The following PIEZO1 variants were observed in gnomAD, a reference collection of about 807,000 sequenced individuals.
PIEZO1 encodes piezo-type mechanosensitive ion channel component 1.
A neutral mutation model predicts 297.2 loss-of-function variants in PIEZO1; 296 were observed. That is an observed-to-expected ratio of 1.00 (90% CI 0.91 to 1.10). The LOEUF is 1.10. Among genes scored for constraint, PIEZO1 ranks in the 50% least tolerant of loss-of-function variants. The pLI, the probability that PIEZO1 is intolerant of heterozygous loss-of-function variation, is 0.00. For missense variants in PIEZO1, 5,018 were observed against 3,455.5 expected, an observed-to-expected ratio of 1.45 and a Z score of -11.34; for synonymous variants, 2,427 against 1,507.5, an observed-to-expected ratio of 1.61 and a Z score of -14.13.
rs999355129 is a variant in PIEZO1, at chr16:88,736,519, G to A, written c.1297-111C>T. 1.6e-4 allele frequency: 97 copies of A among 599,104 alleles called. 1 individual carries two copies. The highest frequency in any genetic ancestry group is 3.8e-4 in the South Asian group (19 of 50,120). The allele number at this position is 599,104 out of a possible 1,614,324, so 37.1% of individuals were successfully genotyped here. ...GCTGCCCAGCGCACCCCACCCAGGC[G>A]ATGCCCCACACCTGCGCGGCAGAGG... On this transcript the variant is annotated intron_variant, in intron 11 of 50. Transcript: ENST00000301015.
intron 1 of PIEZO1, among the ~76,000 whole-genome samples, chr16:88,769,237 G>A (rs1289472559): frequency 4.6e-5 from 7 of 152,138 alleles, no homozygotes. Context: ...TGTAAATAAT[G>A]ACGGGGGTCT....
At chr16:88,733,486 G>C in intron 18 of PIEZO1, 32 bp from the exon 19 acceptor site, 4 of 1,537,816 alleles carry the variant, frequency 2.6e-6, no homozygotes, top group Non-Finnish European at 3.5e-6. Flanking sequence ...GGCTGGGCTT[G>C]GGGAGGGCAG....
At chr16:88,725,553 TGGG>T (rs879686708) in intron 28 of PIEZO1, 34 bp from the exon 29 acceptor site, 4 of 1,535,466 alleles carry the variant, frequency 2.6e-6, no homozygotes, top group Non-Finnish European at 3.5e-6. Flanking sequence ...TGCTGAGCAT[TGGG>T]GGGAGGAGCC....
rs1320129478 is a variant in PIEZO1 at position 88,726,179 on chromosome 16, G to C, written c.3968+105C>G. 1.7e-5 allele frequency: 16 copies of C among 943,920 alleles called. No homozygotes were observed. In the Admixed American group the frequency reaches 4.2e-4, roughly 25 times the overall value. 58.5% of individuals were successfully genotyped at this position (943,920 alleles called of 1,614,324 possible). On this transcript the variant is annotated intron_variant, in intron 27 of 50. Transcript: ENST00000301015. ...GACACGCCCATGTCACAGAGTGGCA[G>C]AGCCTGCCCTCCACGGGCCGGGGCC...
In PIEZO1 at chr16:88,719,601, G is replaced by T. The variant is rs1241117427; in HGVS notation, c.6444C>A (p.Ile2148=). Reference sequence around the variant, plus strand: ...TCTCTGTCTCTCGGCTGCATTTGATGATGAAGATGTTGGCATAGATGTCCT... The same window carrying T: ...TCTCTGTCTCTCGGCTGCATTTGATTATGAAGATGTTGGCATAGATGTCCT... ...CVEDIYANIF[I]IKCSRETEKK... Residue 2148 remains isoleucine, a synonymous_variant, in exon 44 of 51, where the codon ATC becomes ATA. Transcript: ENST00000301015. The T allele has an allele frequency of 1.3e-6, 2 of 1,551,494 alleles. No individual in the cohort carries two copies. Among genetic ancestry groups the T allele is most frequent in the African/African-American group, 2.7e-5 (2 of 73,210 alleles).
rs1455194743 is a variant in PIEZO1, at chr16:88,720,248, TAGGG to T, written c.5981_5984del (p.Ser1994TyrfsTer15). 1.1e-5 allele frequency: 17 copies of T among 1,550,286 alleles called. No individual in the cohort carries two copies. Among genetic ancestry groups the T allele is most frequent in the Non-Finnish European group, 1.0e-5 (12 of 1,146,952 alleles). On this transcript the variant is annotated frameshift_variant, in exon 42 of 51. Transcript: ENST00000301015. LOFTEE classifies it high-confidence loss of function. ...AAGCCTCGGGTACCTGGTCGTCTGA[TAGGG>T]AGGACGTGATGTCTGTGGCCGCCGA...
In PIEZO1 at chr16:88,725,596, G is replaced by T; in HGVS notation, c.4057C>A (p.Gln1353Lys). 1.3e-6 allele frequency: 2 copies of T among 1,546,350 alleles called. No homozygotes were observed. The highest frequency in any genetic ancestry group is 1.4e-5 in the African/African-American group (1 of 73,068). The change falls in exon 28 of 51, where the codon CAG becomes AAG. Residue 1353 changes from glutamine (Q) to lysine (K), a missense_variant and splice_region_variant. Transcript: ENST00000301015. ...AGTCCCCGCCCCAGAGGCACCTACT[G>T]TCTTTTCAGCTGGGCCAGGGACTTC... ...EEKSLAQLKR[Q>K]MERIRAKQEK...
rs1478960214 is a variant in PIEZO1 at position 88,720,680 on chromosome 16, G to C, written c.5737C>G (p.Pro1913Ala). Residue 1913 changes from proline to alanine, a missense_variant, in exon 40 of 51, where the codon CCA (proline) becomes GCA (alanine). Pro to Ala is a conservative substitution (Grantham distance 27). Transcript: ENST00000301015. ...CTTACTCTTCCTCCAGAGCGGCTTG[G>C]CCTCTTCTCTCTCCCCGTGGGGGCC... ...KEAPTGREKR[P>A]SRSGGRVRAA... 5.2e-6 allele frequency: 8 copies of C among 1,545,126 alleles called. No individual in the cohort carries two copies. The highest frequency in any genetic ancestry group is 1.4e-5 in the African/African-American group (1 of 72,790).
intron 44 of PIEZO1, chr16:88,718,834 A>T (rs113385327): frequency 6.5e-6 from 1 of 153,658 alleles, no homozygotes; most frequent in Non-Finnish European, 1.5e-5. Context: ...CAGCCTCCAG[A>T]GTAGCTGGGA....
At chr16:88,731,960 G>GTCTGGGGGGGGGGGGGGGGGGGGGGT (rs1555555068) in intron 21 of PIEZO1, 50 bp from the exon 22 acceptor site, 1 of 295,412 alleles carries the variant, frequency 3.4e-6, no homozygotes, top group Non-Finnish European at 6.6e-6. Flanking sequence ...TCTGGGGGGA[G>GTCTGGGGGGGGGGGGGGGGGGGGGGT]GGACTTTCTT....
intron 1 of PIEZO1, among the ~76,000 whole-genome samples, chr16:88,762,353 C>T (rs114210005): frequency 6.6e-6 from 1 of 152,226 alleles, no homozygotes; most frequent in African/African-American, 2.4e-5. Context: ...TGGCCTCCCC[C>T]ACCTGAGGTC....
In PIEZO1 at chr16:88,732,328, G is replaced by T; in HGVS notation, c.2991+7C>A. 1 of 1,547,604 alleles carries T rather than the reference G, an allele frequency of 6.5e-7. No individual in the cohort carries two copies. Among genetic ancestry groups the T allele is most frequent in the Non-Finnish European group, 8.7e-7 (1 of 1,144,856 alleles). ...TGCCCCAGGGGGAGGCAATGTCCTT[G>T]CCTCACCTCCAGCCCGAATTTGTAG... On this transcript the variant is annotated splice_region_variant and intron_variant, in intron 21 of 50. Transcript: ENST00000301015.
At chr16:88,742,460 C>T (rs745577351) in intron 2 of PIEZO1, 38 bp from the exon 3 acceptor site, 33 of 1,528,262 alleles carry the variant, frequency 2.2e-5, no homozygotes, top group South Asian at 7.2e-5. Context: ...GTCCCGGGGA[C>T]GGGGAGGGGC....
intron 22 of PIEZO1, 84 bp downstream of exon 22, chr16:88,731,622 G>A (rs1029750716): frequency 5.9e-5 from 61 of 1,040,426 alleles, no homozygotes; most frequent in Non-Finnish European, 8.3e-5. Context: ...AGGGTGGACA[G>A]GAGTCTGGGG....
At position 88,785,024 on chromosome 16, in the gene PIEZO1, G is replaced by A; in HGVS notation, c.-60C>T. The A allele has an allele frequency of 3.7e-6, 4 of 1,087,984 alleles. No homozygotes were observed. Among genetic ancestry groups the A allele is most frequent in the Non-Finnish European group, 4.6e-6 (4 of 869,740 alleles). The allele number at this position is 1,087,984 out of a possible 1,614,324, so 67.4% of individuals were successfully genotyped here. ...GGACGCCGCGGCGCTATGGGGCGGTGCGGGGGCCCCGGGGCCGGCGCGCCA... is the reference window on the plus strand; with the variant it reads ...GGACGCCGCGGCGCTATGGGGCGGTACGGGGGCCCCGGGGCCGGCGCGCCA... On this transcript the variant is annotated 5_prime_UTR_variant, in exon 1 of 51. Coordinates refer to ENST00000301015, the MANE Select transcript of PIEZO1 (RefSeq NM_001142864.4).
chr16:88,723,189 C>A, intron 32 of PIEZO1, 37 bp downstream of exon 32: 2 of 1,549,228 alleles, frequency 1.3e-6, no homozygotes, highest in Non-Finnish European at 1.7e-6. Flanking sequence ...GGCAGTCCCG[C>A]GGCTTCCCCT....
At chr16:88,738,138 C>G (rs1209865104) in intron 7 of PIEZO1, 33 bp from the exon 8 acceptor site, 7 of 1,535,424 alleles carry the variant, frequency 4.6e-6, no homozygotes, top group African/African-American at 1.4e-5. Context: ...AGCCTACCAC[C>G]CCAGAGGCAG....
chr16:88,722,407 G>A lies in PIEZO1; in HGVS notation c.4776-10C>T, dbSNP rs577611530. Reference sequence around the variant, plus strand: ...CTCCGCGCCCAGCCCACTGGGGAGGGAAGCCGAGTCACAGAGAATCCTGCT... The same window carrying A: ...CTCCGCGCCCAGCCCACTGGGGAGGAAAGCCGAGTCACAGAGAATCCTGCT... On this transcript the variant is annotated splice_polypyrimidine_tract_variant and intron_variant, in intron 35 of 50. Coordinates refer to ENST00000301015, the MANE Select transcript of PIEZO1 (RefSeq NM_001142864.4). The A allele has an allele frequency of 7.4e-6, 11 of 1,486,912 alleles. No individual in the cohort carries two copies. Among genetic ancestry groups the A allele is most frequent in the Non-Finnish European group, 9.9e-6 (11 of 1,114,370 alleles). The allele number at this position is 1,486,912 out of a possible 1,614,324, so 92.1% of individuals were successfully genotyped here.
chr16:88,732,340 G>T lies in PIEZO1; in HGVS notation c.2986C>A (p.Leu996Met), dbSNP rs1302760941. The T allele has an allele frequency of 1.9e-6, 3 of 1,549,208 alleles. No individual in the cohort carries two copies. The highest frequency in any genetic ancestry group is 2.4e-5 in the East Asian group (1 of 40,886). Residue 996 changes from leucine to methionine, a missense_variant, in exon 21 of 51, where the codon CTG (leucine) becomes ATG (methionine). Transcript: ENST00000301015. ...AGGCAATGTCCTTGCCTCACCTCCA[G>T]CCCGAATTTGTAGAAGAAGAAGTTG... ...FINFFFYKFG[L>M]EICFLMAVNV... is the part of the protein sequence containing the mutation.
Sources: gnomAD v4.1 joint callset for allele counts (sites outside exome capture counted in the v4.1 genomes callset) on GRCh38, gnomAD v4.1.1 for gene constraint, MANE v1.5 for transcripts, NCBI Gene and HGNC (gene_info 2026-07-23, HGNC 2026-07-21) for gene names.